Variants in LPO observed in about 807,000 individuals in gnomAD.
LPO encodes the protein lactoperoxidase.
In LPO, 70 loss-of-function variants were observed where a neutral mutation model predicts 68.4. That is an observed-to-expected ratio of 1.02 (90% confidence interval 0.84 to 1.25). The LOEUF is 1.25. Ranked by LOEUF, LPO falls within the 50% of genes most tolerant of loss-of-function variation. LPO has a pLI of 0.00. For synonymous variants in LPO, 360 were observed against 357.6 expected (o/e 1.01, Z -0.08); for missense variants, 873 against 908.4 (o/e 0.96, Z 0.50).
Position 58,266,335 on chromosome 17 carries a change from C to G in LPO, c.1693+9C>G. ...GGACCATGGGCAACCTGGTGAGTGT[C>G]TGAAGTCTGGCCTGCACTGGGGAAA... On this transcript the variant is annotated intron_variant, in intron 11 of 12. Coordinates refer to ENST00000262290, the MANE Select transcript of LPO (RefSeq NM_006151.3). 6.2e-7 allele frequency: 1 copy of G among 1,613,630 alleles called. No individual in the cohort carries two copies. Among genetic ancestry groups the G allele is most frequent in the South Asian group, 1.1e-5 (1 of 91,028 alleles).
At chr17:58,254,618 A>G (rs190083465) in intron 8 of LPO, 193 bp from the exon 9 acceptor site, 218 of 562,264 alleles carry the variant, frequency 3.9e-4, no homozygotes, top group African/African-American at 3.4e-3. Context: ...AAAAGTGTGT[A>G]TATAGAACTG....
intron 1 of LPO, among the ~76,000 whole-genome samples, chr17:58,241,171 C>G (rs556476858): frequency 8.0e-6 from 1 of 125,260 alleles, no homozygotes; most frequent in Non-Finnish European, 1.6e-5. Flanking sequence ...AGTGCAGTGG[C>G]GCAATCTTGG....
chr17:58,256,355 T>C (rs1471340912), intron 9 of LPO, among the ~76,000 whole-genome samples: 1 of 151,844 alleles, frequency 6.6e-6, no homozygotes, highest in African/African-American at 2.4e-5. Context: ...TTGTTTGAGA[T>C]ACATGCCTAA....
At chr17:58,264,288 T>C (rs1332304962) in intron 9 of LPO, among the ~76,000 whole-genome samples, 3 of 152,242 alleles carry the variant, frequency 2.0e-5, no homozygotes, top group African/African-American at 2.4e-5. Flanking sequence ...TTTCCATTCT[T>C]CTGTATTTCT....
chr17:58,264,224 T>C (rs1970219634), intron 9 of LPO, among the ~76,000 whole-genome samples: 1 of 152,230 alleles, frequency 6.6e-6, no homozygotes, highest in Non-Finnish European at 1.5e-5. Context: ...CTGAAAATTT[T>C]TTATTTGTGT....
chr17:58,242,915 G>C, intron 1 of LPO, 63 bp from the exon 2 acceptor site: 1 of 1,421,336 alleles, frequency 7.0e-7, no homozygotes, highest in East Asian at 2.3e-5. Context: ...TGCTTTCTGT[G>C]GTTCAAACCC....
chr17:58,265,073 T>A (rs1353211348), intron 10 of LPO, 99 bp downstream of exon 10: 16 of 1,496,600 alleles, frequency 1.1e-5, no homozygotes, highest in East Asian at 4.5e-5. Context: ...CACTTTTACA[T>A]GACCTTGGGC....
intron 11 of LPO, 61 bp downstream of exon 11, chr17:58,266,387 G>C (rs945275871): frequency 1.3e-6 from 2 of 1,539,458 alleles, no homozygotes; most frequent in African/African-American, 1.4e-5. Flanking sequence ...AGGGCTCCTG[G>C]AGACTCTCTT....
chr17:58,242,027 G>T lies in LPO; in HGVS notation c.-2-951G>T, dbSNP rs554090419. ...GTGCTTCTGGATTCCACCAGTGAACGCCGTGCTGCAGGGAGAGCACAGGCG... is the reference window on the plus strand; with the variant it reads ...GTGCTTCTGGATTCCACCAGTGAACTCCGTGCTGCAGGGAGAGCACAGGCG... On this transcript the variant is annotated intron_variant, in intron 1 of 12. Coordinates refer to ENST00000262290, the MANE Select transcript of LPO (RefSeq NM_006151.3). Among the ~76,000 whole-genome samples the T allele has an allele frequency of 4.5e-4, 68 of 152,236 alleles. 1 individual carries two copies. The highest frequency in any genetic ancestry group is 1.6e-3 in the African/African-American group (65 of 41,548).
At chr17:58,261,143 G>A (rs1970167842) in intron 9 of LPO, among the ~76,000 whole-genome samples, 1 of 152,130 alleles carries the variant, frequency 6.6e-6, no homozygotes, top group Non-Finnish European at 1.5e-5. Context: ...GGATCTGTTG[G>A]TTGATGGTGC....
At chr17:58,263,084 T>G (rs963955120) in intron 9 of LPO, among the ~76,000 whole-genome samples, 3 of 152,130 alleles carry the variant, frequency 2.0e-5, no homozygotes, top group Non-Finnish European at 4.4e-5. Context: ...CTGTCTCCAA[T>G]TCTATCCTCT....
chr17:58,266,460 T>G (rs1970269151), intron 11 of LPO, 134 bp downstream of exon 11: 3 of 1,050,210 alleles, frequency 2.9e-6, no homozygotes, highest in Non-Finnish European at 4.0e-6. Context: ...CAGTTTTTTT[T>G]GTTTGAGGTT....
chr17:58,240,694 T>C (rs1013136277), intron 1 of LPO, among the ~76,000 whole-genome samples: 4 of 152,218 alleles, frequency 2.6e-5, no homozygotes, highest in East Asian at 1.9e-4. Context: ...GAGAGGAGAA[T>C]TGAATATTTA....
Position 58,267,593 on chromosome 17 carries a change from G to A in LPO, c.1931+7G>A. The A allele has an allele frequency of 6.3e-7, 1 of 1,599,626 alleles. No individual in the cohort carries two copies. Among genetic ancestry groups the A allele is most frequent in the Non-Finnish European group, 8.5e-7 (1 of 1,170,900 alleles). On this transcript the variant is annotated splice_region_variant and intron_variant, in intron 12 of 12. Coordinates refer to ENST00000262290, the MANE Select transcript of LPO (RefSeq NM_006151.3). ...AGATCCGTGATGGAGACAGGCAAGT[G>A]CGTCCTCAGCCAGGGAGGGAAGGGC... is the stretch of plus-strand genomic sequence containing the variant.
chr17:58,264,724 TATCA>T lies in LPO; in HGVS notation c.1270_1273del (p.Ile424ProfsTer10), dbSNP rs1212392061. The T allele has an allele frequency of 6.2e-7, 1 of 1,613,876 alleles. No homozygotes were observed. On this transcript the variant is annotated frameshift_variant, in exon 10 of 13. Transcript: ENST00000262290. LOFTEE classifies it high-confidence loss of function. ...TCTTGATTTTATTCTCCCTCCAGAT[TATCA>T]CCTTTAGGGACTACCTACCCATTTT...
chr17:58,250,860 G>C (rs769033616), intron 7 of LPO: 15 of 529,010 alleles, frequency 2.8e-5, no homozygotes, highest in Admixed American at 9.6e-5. Context: ...CACCGCTCCT[G>C]CTCTCAAGAA....
At position 58,247,511 on chromosome 17, in the gene LPO, C is replaced by T. The variant is rs1355769081; in HGVS notation, c.198C>T (p.Thr66=). The part of the protein sequence containing the change: ...LKTAMSSETP[T]SRQLSEYLKH... ...CCGCCATGAGCTCTGAGACTCCCAC[C>T]AGCCGACAGCTCTCAGAATACCTCA... The change falls in exon 4 of 13, where the codon ACC becomes ACT. Residue 66 remains threonine, a synonymous_variant. Transcript: ENST00000262290. The T allele has an allele frequency of 2.5e-6, 4 of 1,613,990 alleles. No homozygotes were observed. In the African/African-American group the frequency reaches 4.0e-5, roughly 16 times the overall value.
chr17:58,247,744 G>A, intron 4 of LPO, 106 bp downstream of exon 4: 1 of 1,259,118 alleles, frequency 7.9e-7, no homozygotes, highest in Non-Finnish European at 1.1e-6. Context: ...TATCTACTCA[G>A]AGGAACACTC....
At chr17:58,242,833 G>T in intron 1 of LPO, 145 bp from the exon 2 acceptor site, 2 of 661,728 alleles carry the variant, frequency 3.0e-6, no homozygotes, top group Admixed American at 2.4e-5. Flanking sequence ...TATGGTAGAT[G>T]CTTCATTCGT....
Sources: gnomAD v4.1 joint callset for allele counts (sites outside exome capture counted in the v4.1 genomes callset) on GRCh38, gnomAD v4.1.1 for gene constraint, MANE v1.5 for transcripts, NCBI Gene and HGNC (gene_info 2026-07-23, HGNC 2026-07-21) for gene names.